Variants in B4GALNT2 observed in about 807,000 individuals in gnomAD.
The protein encoded by B4GALNT2 is N-acetylneuraminylgalactosylglucosyl-glucoside beta-1,4-N- acetylgalactosaminyltransferase 2.
A neutral mutation model predicts 51.1 loss-of-function variants in B4GALNT2; 42 were observed. The observed-to-expected ratio is 0.82, with a 90% CI of 0.64 to 1.06. The LOEUF is 1.06. Among genes scored for constraint, B4GALNT2 ranks in the 50% least tolerant of loss-of-function variants. The probability of loss-of-function intolerance (pLI) is 0.00; values close to 1 mark genes in which losing one functional copy is unlikely to be tolerated. For missense variants in B4GALNT2, 602 were observed against 633.6 expected (o/e 0.95, Z 0.54); for synonymous variants, 253 against 251.7 (o/e 1.01, Z -0.05).
At chr17:49,168,979 C>A in intron 10 of B4GALNT2, 79 bp downstream of exon 10, 1 of 1,423,838 alleles carries the variant, frequency 7.0e-7, no homozygotes, top group Non-Finnish European at 9.6e-7. Context: ...AGGGCTGTAC[C>A]CGGCTGGCTG....
chr17:49,164,166 G>A lies in B4GALNT2; in HGVS notation c.845G>A (p.Ser282Asn). 1 of 1,613,936 alleles carries A rather than the reference G, an allele frequency of 6.2e-7. No homozygotes were observed. The highest frequency in any genetic ancestry group is 1.7e-5 in the Admixed American group (1 of 60,020). The part of the protein sequence containing the change: ...RPHKLMIMLR[S>N]IREYYPDLTV... ...CACAAGCTCATGATCATGCTCCGGA[G>A]TATTCGAGAGTATTACCCAGACTTG... Residue 282 changes from serine to asparagine, a missense_variant, in exon 8 of 11, where the codon AGT becomes AAT. Transcript: ENST00000393354.
intron 1 of B4GALNT2, among the ~76,000 whole-genome samples, chr17:49,140,911 G>A (rs1357493882): frequency 6.6e-6 from 1 of 151,840 alleles, no homozygotes; most frequent in Non-Finnish European, 1.5e-5. Context: ...TAGAGGCTGG[G>A]TTTCACCATG....
intron 7 of B4GALNT2, among the ~76,000 whole-genome samples, chr17:49,161,935 A>G (rs2042868868): frequency 1.3e-5 from 2 of 151,598 alleles, no homozygotes; most frequent in Admixed American, 6.6e-5. Context: ...CTCAGAGACC[A>G]TAAAGAAAAA....
chr17:49,164,089 G>A lies in B4GALNT2; in HGVS notation c.768G>A (p.Glu256=), dbSNP rs2042888220. Reference sequence around the variant, plus strand: ...TGACACCCACTGTTTTCTGCCCAGAGAGGAAGCTCAGAAACCTGGTTACCA... The same window carrying A: ...TGACACCCACTGTTTTCTGCCCAGAAAGGAAGCTCAGAAACCTGGTTACCA... ...VIPKLYDPGP[E]RKLRNLVTIA... Residue 256 remains glutamate (E), a splice_region_variant and synonymous_variant, in exon 8 of 11, where the codon GAG becomes GAA. Transcript: ENST00000393354. 1 of 1,613,732 alleles carries A rather than the reference G, an allele frequency of 6.2e-7. No homozygotes were observed. Among genetic ancestry groups the A allele is most frequent in the Non-Finnish European group, 8.5e-7 (1 of 1,179,734 alleles).
chr17:49,131,817 T>C (rs1438071395), upstream of B4GALNT2, among the ~76,000 whole-genome samples: 6 of 152,130 alleles, frequency 3.9e-5, no homozygotes, highest in African/African-American at 1.4e-4. Flanking sequence ...GGCCCCATTT[T>C]GCATGCATTT....
chr17:49,156,420 G>A lies in B4GALNT2; in HGVS notation c.461-146G>A, dbSNP rs1425241172. 3.1e-5 allele frequency: 24 copies of A among 770,308 alleles called. No homozygotes were observed. The East Asian group carries it at 5.5e-4, about 18-fold the overall frequency. 47.7% of individuals were successfully genotyped at this position (770,308 alleles called of 1,614,324 possible). The stretch of plus-strand genomic sequence containing the variant: ...ACTTAACAGAGCCCTGGGGAGAGGC[G>A]CACGTGTCAGCAAACACTCTGGGCG... On this transcript the variant is annotated intron_variant, in intron 4 of 10. Coordinates refer to ENST00000393354, the MANE Select transcript of B4GALNT2 (RefSeq NM_001159387.2).
chr17:49,126,856 G>A, the B4GALNT2 span, among the ~76,000 whole-genome samples: 5 of 151,876 alleles, frequency 3.3e-5, no homozygotes, highest in African/African-American at 4.8e-5. Flanking sequence ...GTGCCACTAC[G>A]CCCAGCTAAA....
chr17:49,146,200 T>C (rs1598202763), intron 3 of B4GALNT2, among the ~76,000 whole-genome samples: 1 of 152,218 alleles, frequency 6.6e-6, no homozygotes, highest in South Asian at 2.1e-4. Flanking sequence ...GCATTATAAT[T>C]GTGACTTCAA....
chr17:49,150,776 C>T (rs1190859794), intron 3 of B4GALNT2, among the ~76,000 whole-genome samples: 1 of 149,834 alleles, frequency 6.7e-6, no homozygotes, highest in Non-Finnish European at 1.5e-5. Flanking sequence ...CCCAGGGACA[C>T]AAACACTGCG....
chr17:49,160,460 A>G lies in B4GALNT2; in HGVS notation c.680-95A>G, dbSNP rs140217414. The G allele has an allele frequency of 9.5e-4, 1,101 of 1,163,364 alleles. 6 individuals carry two copies. In the East Asian group the frequency reaches 9.9e-3, roughly 10 times the overall value. 72.1% of individuals were successfully genotyped at this position (1,163,364 alleles called of 1,614,324 possible). On this transcript the variant is annotated intron_variant, in intron 6 of 10. Coordinates refer to ENST00000393354, the MANE Select transcript of B4GALNT2 (RefSeq NM_001159387.2). ...TCCCAACCAGGACTCTCCCCACCAA[A>G]CCTGTACTCGCCTGTCATGGTGGCT...
chr17:49,140,758 C>T (rs553072311), intron 1 of B4GALNT2, among the ~76,000 whole-genome samples: 51 of 124,658 alleles, frequency 4.1e-4, no homozygotes, highest in African/African-American at 1.4e-3. Flanking sequence ...CTCGCTCTGT[C>T]GCCAGGCTGG....
the B4GALNT2 span, among the ~76,000 whole-genome samples, chr17:49,126,817 A>G: frequency 6.6e-5 from 10 of 151,622 alleles, no homozygotes; most frequent in Admixed American, 2.0e-4. Context: ...AAGCTACTCA[A>G]CCTCCTGAAT....
intron 8 of B4GALNT2, among the ~76,000 whole-genome samples, chr17:49,165,183 C>T (rs931119266): frequency 2.0e-5 from 3 of 152,078 alleles, no homozygotes; most frequent in African/African-American, 7.2e-5. Flanking sequence ...TCTCTGACAT[C>T]TCAAAGATTC....
At chr17:49,155,227 G>A (rs2042797333) in intron 4 of B4GALNT2, among the ~76,000 whole-genome samples, 1 of 150,266 alleles carries the variant, frequency 6.7e-6, no homozygotes, top group African/African-American at 2.5e-5. Context: ...GATCCTGGGA[G>A]GCGGAGTTTG....
chr17:49,138,168 T>G (rs932744752), intron 1 of B4GALNT2, among the ~76,000 whole-genome samples: 1 of 152,242 alleles, frequency 6.6e-6, no homozygotes, highest in Non-Finnish European at 1.5e-5. Context: ...TTCCTATATA[T>G]TAATAAGATT....
chr17:49,168,783 CT>C lies in B4GALNT2; in HGVS notation c.1199del (p.Leu400ArgfsTer9), dbSNP rs765636415. 9 of 1,613,982 alleles carry C rather than the reference CT, an allele frequency of 5.6e-6. No homozygotes were observed. In the East Asian group the frequency reaches 6.7e-5, roughly 12 times the overall value. On this transcript the variant is annotated frameshift_variant, in exon 10 of 11. Transcript: ENST00000393354. LOFTEE classifies it high-confidence loss of function. ...CAAGAGGATGGGATTTTTCCAACCCCTGGATGGCTTCCCCAGCTGCGTGGTG... is the reference window on the plus strand; with the variant it reads ...CAAGAGGATGGGATTTTTCCAACCCCGGATGGCTTCCCCAGCTGCGTGGTG... ...LHKRMGFFQP[L>X]DGFPSCVVTS...
At chr17:49,132,663 GC>G, upstream of B4GALNT2, 1 of 1,142,156 alleles carries the variant, frequency 8.8e-7, no homozygotes, top group African/African-American at 1.6e-5. Context: ...AAGGGCGGGG[GC>G]CGTCCCAAGC....
In B4GALNT2 at chr17:49,175,542, C is replaced by CT. The variant is rs1326527126; in HGVS notation, c.*5819dup. 1 of 152,136 alleles carries CT rather than the reference C, an allele frequency of 6.6e-6. No individual in the cohort carries two copies. Among genetic ancestry groups the CT allele is most frequent in the Non-Finnish European group, 1.5e-5 (1 of 68,068 alleles). The allele number at this position is 152,136 out of a possible 1,614,324, so 9.4% of individuals were successfully genotyped here. Reference sequence around the variant, plus strand: ...AAGCATCCACAGACCCCTATTGGAACTTTTTGTGGGGATTCCCCAAGCATA... The same window carrying CT: ...AAGCATCCACAGACCCCTATTGGAACTTTTTTGTGGGGATTCCCCAAGCATA... On this transcript the variant is annotated 3_prime_UTR_variant, in exon 11 of 11. Transcript: ENST00000393354.
chr17:49,121,164 T>C, the B4GALNT2 span, among the ~76,000 whole-genome samples: 2 of 152,176 alleles, frequency 1.3e-5, no homozygotes, highest in African/African-American at 2.4e-5. Context: ...ATGGGAATAG[T>C]TCATTCAGTC....
Sources: allele counts gnomAD v4.1 joint callset (sites outside exome capture counted in the v4.1 genomes callset), GRCh38; gene constraint gnomAD v4.1.1; transcripts MANE v1.5; gene names NCBI Gene and HGNC (gene_info 2026-07-23, HGNC 2026-07-21).